The following TRPM3 variants were observed in gnomAD, a reference collection of about 807,000 sequenced individuals.
TRPM3 encodes transient receptor potential cation channel subfamily M member 3, also known as long transient receptor potential channel 3.
In TRPM3, 77 loss-of-function variants were observed where a neutral mutation model predicts 181.2. The ratio of observed to expected loss-of-function variants is 0.42; its 90% CI spans 0.35 to 0.51. The LOEUF is 0.51. TRPM3 is among the 20% of genes least tolerant of loss of function. TRPM3 has a pLI of 0.01. For synonymous variants in TRPM3, 745 were observed against 796.4 expected (o/e 0.94, Z 1.09); for missense variants, 1,759 against 2,196.7 (o/e 0.80, Z 3.98).
intron 1 of TRPM3, among the ~76,000 whole-genome samples, chr9:71,422,929 T>C (rs918706548): frequency 2.0e-5 from 3 of 152,052 alleles, no homozygotes; most frequent in Non-Finnish European, 4.4e-5. Flanking sequence ...AGGTGAACTT[T>C]ACAAGCCCCA....
chr9:71,255,946 G>C (rs1245417096), intron 1 of TRPM3, among the ~76,000 whole-genome samples: 3 of 152,128 alleles, frequency 2.0e-5, no homozygotes, highest in Non-Finnish European at 4.4e-5. Flanking sequence ...AGCCAACCAA[G>C]AGTGGGTGGT....
intron 1 of TRPM3, among the ~76,000 whole-genome samples, chr9:71,152,144 T>C (rs1429041920): frequency 6.6e-6 from 1 of 152,170 alleles, no homozygotes; most frequent in African/African-American, 2.4e-5. Context: ...GAACTCCTTG[T>C]TGATAAGAAT....
At chr9:70,699,251 G>A (rs1344885641) in intron 8 of TRPM3, among the ~76,000 whole-genome samples, 1 of 152,166 alleles carries the variant, frequency 6.6e-6, no homozygotes, top group Admixed American at 6.6e-5. Flanking sequence ...AAGGGCTAAG[G>A]AGACAAAGGT....
At chr9:71,074,274 G>A (rs966342651) in intron 1 of TRPM3, among the ~76,000 whole-genome samples, 1 of 152,132 alleles carries the variant, frequency 6.6e-6, no homozygotes, top group African/African-American at 2.4e-5. Context: ...ACCCTGATAG[G>A]TATCTGAATA....
chr9:71,367,003 A>T (rs1342944712), intron 1 of TRPM3, among the ~76,000 whole-genome samples: 1 of 152,320 alleles, frequency 6.6e-6, no homozygotes, highest in East Asian at 1.9e-4. Flanking sequence ...TTGTATTATG[A>T]TGAATAGAAT....
At chr9:71,292,677 T>C (rs2085917191) in intron 1 of TRPM3, among the ~76,000 whole-genome samples, 1 of 151,904 alleles carries the variant, frequency 6.6e-6, no homozygotes, top group African/African-American at 2.4e-5. Context: ...AAAGCAAATA[T>C]CATACCTAGA....
chr9:71,350,804 T>C (rs988730781), intron 1 of TRPM3, among the ~76,000 whole-genome samples: 1 of 152,218 alleles, frequency 6.6e-6, no homozygotes, highest in Non-Finnish European at 1.5e-5. Flanking sequence ...TAATAAGCTT[T>C]ATCTTTAGTC....
intron 3 of TRPM3, among the ~76,000 whole-genome samples, chr9:70,848,297 G>T (rs2095066515): frequency 6.6e-6 from 1 of 152,022 alleles, no homozygotes; most frequent in Non-Finnish European, 1.5e-5. Context: ...AGATCCAGAA[G>T]ATAAATGAGA....
chr9:71,185,398 G>A (rs2077618233), intron 1 of TRPM3, among the ~76,000 whole-genome samples: 1 of 152,062 alleles, frequency 6.6e-6, no homozygotes, highest in Non-Finnish European at 1.5e-5. Context: ...TTATTTTCAT[G>A]TAGAGTAGCA....
At chr9:70,886,558 A>G (rs930371003) in intron 1 of TRPM3, among the ~76,000 whole-genome samples, 1 of 152,186 alleles carries the variant, frequency 6.6e-6, no homozygotes, top group African/African-American at 2.4e-5. Context: ...AGATAGGGTC[A>G]AGGGTTTGAA....
At chr9:71,079,969 G>A (rs890281531) in intron 1 of TRPM3, among the ~76,000 whole-genome samples, 6 of 152,132 alleles carry the variant, frequency 3.9e-5, no homozygotes, top group Non-Finnish European at 5.9e-5. Context: ...TTGGGAGTTC[G>A]AGACCAGCCT....
At chr9:71,139,489 A>G (rs902020227) in intron 1 of TRPM3, among the ~76,000 whole-genome samples, 8 of 152,196 alleles carry the variant, frequency 5.3e-5, no homozygotes, top group African/African-American at 1.9e-4. Flanking sequence ...TTTCACAAAA[A>G]CAGAGTCGGG....
chr9:70,776,826 G>A (rs1452699682), intron 7 of TRPM3, among the ~76,000 whole-genome samples: 2 of 152,160 alleles, frequency 1.3e-5, no homozygotes. Flanking sequence ...AGAAACCAAG[G>A]AAGGTATTTT....
chr9:71,381,963 C>T (rs931810772), intron 1 of TRPM3, among the ~76,000 whole-genome samples: 3 of 152,094 alleles, frequency 2.0e-5, no homozygotes, highest in Non-Finnish European at 4.4e-5. Context: ...TGCTATCAAA[C>T]TTGGGAGAGG....
intron 1 of TRPM3, among the ~76,000 whole-genome samples, chr9:71,020,564 A>C (rs57244722): frequency 0.12 from 17,913 of 152,166 alleles, 1,079 homozygotes; most frequent in South Asian, 0.18. Context: ...CAAAACACAT[A>C]AGCAGTAAAT....
At chr9:70,913,162 C>T (rs2096555795) in intron 1 of TRPM3, among the ~76,000 whole-genome samples, 1 of 152,112 alleles carries the variant, frequency 6.6e-6, no homozygotes, top group Non-Finnish European at 1.5e-5. Context: ...GTTTTCTTTT[C>T]CAAATTTGTG....
upstream of TRPM3, chr9:71,121,670 G>A: frequency 9.0e-7 from 1 of 1,111,246 alleles, no homozygotes; most frequent in Non-Finnish European, 1.1e-6. Context: ...GTCAGGCGTT[G>A]GGGGGGAACC....
intron 6 of TRPM3, among the ~76,000 whole-genome samples, chr9:70,788,720 T>G (rs535830679): frequency 3.9e-4 from 60 of 152,250 alleles, no homozygotes; most frequent in African/African-American, 1.4e-3. Flanking sequence ...TGAGCTTGCT[T>G]TCTCATCTAG....
chr9:70,966,611 G>T (rs575328010), intron 1 of TRPM3, among the ~76,000 whole-genome samples: 1 of 152,068 alleles, frequency 6.6e-6, no homozygotes, highest in Non-Finnish European at 1.5e-5. Context: ...TGGAGCTGGA[G>T]GCCATTATCC....
Sources: allele counts gnomAD v4.1 joint callset (sites outside exome capture counted in the v4.1 genomes callset), GRCh38; gene constraint gnomAD v4.1.1; transcripts MANE v1.5; gene names NCBI Gene and HGNC (gene_info 2026-07-23, HGNC 2026-07-21).